CBFA2T2: variants seen among roughly 807,000 people sequenced by gnomAD.
CBFA2T2 encodes the protein CBFA2/RUNX1 partner transcriptional co-repressor 2, also known as protein CBFA2T2.
In CBFA2T2, 11 loss-of-function variants were observed where a neutral mutation model predicts 62.2. The ratio of observed to expected loss-of-function variants is 0.18; its 90% confidence interval spans 0.11 to 0.29. The LOEUF is 0.29. Ranked by LOEUF, CBFA2T2 falls within the 10% of genes least tolerant of loss-of-function variation. CBFA2T2 has a pLI of 1.00. For missense variants in CBFA2T2, 592 were observed against 774.1 expected (o/e 0.76, Z 2.79); for synonymous variants, 295 against 287.5 (o/e 1.03, Z -0.27).
chr20:33,501,590 T>C (rs1308558362), intron 1 of CBFA2T2, among the ~76,000 whole-genome samples: 2 of 150,320 alleles, frequency 1.3e-5, no homozygotes, highest in Non-Finnish European at 3.0e-5. Context: ...CCTTGATAAG[T>C]TGGTCTGGCT....
chr20:33,532,694 T>C (rs1003671585), intron 1 of CBFA2T2, among the ~76,000 whole-genome samples: 1 of 152,242 alleles, frequency 6.6e-6, no homozygotes, highest in Non-Finnish European at 1.5e-5. Context: ...ATGTATCTTG[T>C]CTGCATCTTG....
chr20:33,621,150 C>A (rs75613577), intron 4 of CBFA2T2, among the ~76,000 whole-genome samples: 3,356 of 152,112 alleles, frequency 0.022, 116 homozygotes, highest in African/African-American at 0.077. Flanking sequence ...TTGGTTTTCT[C>A]TGGTGTTGAT....
At chr20:33,594,597 G>A (rs548051781) in intron 1 of CBFA2T2, among the ~76,000 whole-genome samples, 13 of 152,184 alleles carry the variant, frequency 8.5e-5, no homozygotes, top group African/African-American at 3.1e-4. Flanking sequence ...GAACCCAAGA[G>A]ACCTGGCTTT....
At chr20:33,644,263 G>A in intron 10 of CBFA2T2, 84 bp from the exon 11 acceptor site, 1 of 1,478,400 alleles carries the variant, frequency 6.8e-7, no homozygotes, top group African/African-American at 1.4e-5. Flanking sequence ...TCTACATACA[G>A]CCCCTTGCTT....
At chr20:33,502,758 C>T (rs2011313559) in intron 1 of CBFA2T2, among the ~76,000 whole-genome samples, 1 of 150,112 alleles carries the variant, frequency 6.7e-6, no homozygotes, top group Non-Finnish European at 1.5e-5. Context: ...CAAACTGTTT[C>T]TCTCCTAATT....
chr20:33,493,019 C>A (rs6141403), intron 1 of CBFA2T2, among the ~76,000 whole-genome samples: 1 of 147,964 alleles, frequency 6.8e-6, no homozygotes, highest in African/African-American at 2.5e-5. Flanking sequence ...TCCCAAAGTT[C>A]TGGGATTACA....
chr20:33,628,111 CT>C (rs1217629027), intron 6 of CBFA2T2, among the ~76,000 whole-genome samples: 2 of 152,042 alleles, frequency 1.3e-5, no homozygotes, highest in Non-Finnish European at 2.9e-5. Context: ...TTTCTTTTAC[CT>C]CTTTTTCTTT....
chr20:33,562,548 G>A, intron 1 of CBFA2T2: 1 of 985,890 alleles, frequency 1.0e-6, no homozygotes, highest in Non-Finnish European at 1.2e-6. Flanking sequence ...AATGAAAGGA[G>A]GAGGAAGGCT....
chr20:33,640,167 C>T (rs1037253602), intron 9 of CBFA2T2, among the ~76,000 whole-genome samples, 174 bp from the exon 10 acceptor site: 7 of 152,204 alleles, frequency 4.6e-5, no homozygotes, highest in African/African-American at 7.2e-5. Context: ...CCTCCATCTC[C>T]GTACCCAGCC....
intron 1 of CBFA2T2, among the ~76,000 whole-genome samples, chr20:33,556,984 C>T (rs995274152): frequency 2.7e-5 from 4 of 147,090 alleles, no homozygotes; most frequent in Non-Finnish European, 5.9e-5. Flanking sequence ...ACTTTCTTGC[C>T]CAAGGTGTTG....
chr20:33,607,273 A>G (rs992294562), intron 2 of CBFA2T2, among the ~76,000 whole-genome samples, 174 bp downstream of exon 2: 1 of 152,220 alleles, frequency 6.6e-6, no homozygotes, highest in Non-Finnish European at 1.5e-5. Flanking sequence ...TTACCCTCTG[A>G]GAATAATACT....
At chr20:33,637,559 G>A (rs902288102) in intron 9 of CBFA2T2, among the ~76,000 whole-genome samples, 57 of 152,042 alleles carry the variant, frequency 3.7e-4, no homozygotes, top group African/African-American at 4.6e-4. Flanking sequence ...TTAACCGTCC[G>A]TTATTGACAA....
chr20:33,490,332 G>A (rs761991094), intron 1 of CBFA2T2, 31 bp downstream of exon 1: 6 of 1,276,042 alleles, frequency 4.7e-6, no homozygotes, highest in South Asian at 3.3e-5. Flanking sequence ...GGCGGCCGAG[G>A]GGGGCGTGTG....
intron 1 of CBFA2T2, among the ~76,000 whole-genome samples, chr20:33,522,398 T>C (rs6088244): frequency 0.43 from 63,304 of 148,550 alleles, 14,734 homozygotes; most frequent in Non-Finnish European, 0.53. Flanking sequence ...CAACCACTAG[T>C]GTACATGATC....
chr20:33,600,494 T>C, intron 1 of CBFA2T2: 1 of 416,744 alleles, frequency 2.4e-6, no homozygotes, highest in South Asian at 1.7e-5. Context: ...GGCCTGGAAA[T>C]TCTTACCATA....
At chr20:33,520,890 C>G (rs1009560146) in intron 1 of CBFA2T2, among the ~76,000 whole-genome samples, 1 of 149,766 alleles carries the variant, frequency 6.7e-6, no homozygotes, top group Non-Finnish European at 1.5e-5. Context: ...GAAATAATCA[C>G]TGTTTTTACA....
At chr20:33,538,833 A>G (rs2012333369) in intron 1 of CBFA2T2, among the ~76,000 whole-genome samples, 1 of 148,708 alleles carries the variant, frequency 6.7e-6, no homozygotes, top group South Asian at 2.1e-4. Flanking sequence ...CTTAGATATT[A>G]TCATATTGTT....
intron 1 of CBFA2T2, among the ~76,000 whole-genome samples, chr20:33,555,259 G>A (rs1320801403): frequency 6.6e-6 from 1 of 151,742 alleles, no homozygotes. Context: ...CAGCCTAATG[G>A]CTGCCCAATT....
At chr20:33,550,612 T>TTTA (rs1302529942) in intron 1 of CBFA2T2, among the ~76,000 whole-genome samples, 1 of 146,060 alleles carries the variant, frequency 6.8e-6, no homozygotes, top group Non-Finnish European at 1.5e-5. Flanking sequence ...AATGTGGTTA[T>TTTA]TTATTTATTT....
Sources: allele counts gnomAD v4.1 joint callset (sites outside exome capture counted in the v4.1 genomes callset), GRCh38; gene constraint gnomAD v4.1.1; transcripts MANE v1.5; gene names NCBI Gene and HGNC (gene_info 2026-07-23, HGNC 2026-07-21).